The following CUBN variants were observed in gnomAD, a reference collection of about 807,000 sequenced individuals.
CUBN encodes the protein 460 kDa receptor.
Under a neutral mutation model 405.3 loss-of-function variants are expected in CUBN, and 282 were observed. The ratio of observed to expected loss-of-function variants is 0.70; its 90% confidence interval spans 0.63 to 0.77. The LOEUF is 0.77. CUBN is among the 30% of genes least tolerant of loss of function. CUBN has a pLI of 0.00. For synonymous variants in CUBN, 1,684 were observed against 1,617.0 expected (o/e 1.04, Z -0.99); for missense variants, 4,514 against 4,475.2 (o/e 1.01, Z -0.25).
chr10:16,903,280 A>AG (rs907653010), intron 51 of CUBN, among the ~76,000 whole-genome samples: 1 of 152,216 alleles, frequency 6.6e-6, no homozygotes, highest in African/African-American at 2.4e-5. Context: ...TAAGGATGGA[A>AG]GGGACTTTCT....
Position 17,104,453 on chromosome 10 carries a change from G to C in CUBN, c.1383C>G (p.Leu461=), listed in dbSNP as rs1277540588. 6.2e-7 allele frequency: 1 copy of C among 1,614,004 alleles called. No individual in the cohort carries two copies. Among genetic ancestry groups the C allele is most frequent in the Non-Finnish European group, 8.5e-7 (1 of 1,179,998 alleles). The change falls in exon 12 of 67, where the codon CTC becomes CTG. Residue 461 remains leucine, a synonymous_variant. Coordinates refer to ENST00000377833, the MANE Select transcript of CUBN (RefSeq NM_001081.4). ...VDSFSCECTR[L]WTGALCQVPQ... ...GAACCTGACAGAGAGCTCCAGTCCA[G>C]AGACGTGTGCATTCACAACTGAAAG...
chr10:17,120,859 G>A (rs1370163644), intron 6 of CUBN, among the ~76,000 whole-genome samples: 1 of 152,210 alleles, frequency 6.6e-6, no homozygotes, highest in East Asian at 1.9e-4. Flanking sequence ...GATGATAAAG[G>A]AAGACTAGGA....
chr10:17,044,553 A>G (rs189472867), intron 25 of CUBN, among the ~76,000 whole-genome samples: 9 of 152,142 alleles, frequency 5.9e-5, no homozygotes, highest in African/African-American at 2.2e-4. Context: ...TTTTGATTCC[A>G]TAGTTTATGA....
At position 16,940,041 on chromosome 10, in the gene CUBN, A is replaced by G. The variant is rs764274125; in HGVS notation, c.5539T>C (p.Phe1847Leu). ...SGSGTGFQATFMKIFGNDNIV... is the reference protein window; with the variant it reads ...SGSGTGFQATLMKIFGNDNIV... ...AATAGAAACAACTTACTCTTCATAAATGTGGCCTGGAAGCCCGTGCCGCTG... is the reference window on the plus strand; with the variant it reads ...AATAGAAACAACTTACTCTTCATAAGTGTGGCCTGGAAGCCCGTGCCGCTG... Residue 1847 changes from phenylalanine to leucine, a missense_variant, in exon 37 of 67, where the codon TTT (phenylalanine) becomes CTT (leucine). Around this residue, in one of 5 missense-constraint regions of CUBN, gnomAD observed 1,613 missense variants for 1,542.8 expected, o/e 1.05. Transcript: ENST00000377833. 7 of 1,613,418 alleles carry G rather than the reference A, an allele frequency of 4.3e-6. No individual in the cohort carries two copies. The African/African-American group carries it at 8.0e-5, about 18-fold the overall frequency.
At chr10:17,065,063 C>G (rs1835582218) in intron 22 of CUBN, among the ~76,000 whole-genome samples, 1 of 150,534 alleles carries the variant, frequency 6.6e-6, no homozygotes, top group African/African-American at 2.4e-5. Flanking sequence ...CTCCTGAATT[C>G]TTTTTACCCA....
At chr10:17,058,869 A>C (rs977704638) in intron 22 of CUBN, among the ~76,000 whole-genome samples, 1 of 152,166 alleles carries the variant, frequency 6.6e-6, no homozygotes, top group Non-Finnish European at 1.5e-5. Context: ...TTATTACATC[A>C]ATACAAAATG....
intron 56 of CUBN, among the ~76,000 whole-genome samples, chr10:16,884,918 GA>G (rs936703661): frequency 6.6e-6 from 1 of 152,136 alleles, no homozygotes; most frequent in Non-Finnish European, 1.5e-5. Flanking sequence ...CCTGGGCTCA[GA>G]AATGCTTAGC....
intron 27 of CUBN, among the ~76,000 whole-genome samples, chr10:17,038,690 T>A (rs969136353): frequency 3.9e-5 from 6 of 152,236 alleles, no homozygotes; most frequent in African/African-American, 1.4e-4. Flanking sequence ...TGTGTGTGAG[T>A]TTTCTCTCTG....
chr10:16,882,617 G>A (rs922034572), intron 56 of CUBN, among the ~76,000 whole-genome samples: 1 of 152,204 alleles, frequency 6.6e-6, no homozygotes, highest in African/African-American at 2.4e-5. Flanking sequence ...AGTGGGGGGA[G>A]GGCGTGGGCC....
In CUBN at chr10:16,906,336, G is replaced by A. The variant is rs1423979629; in HGVS notation, c.7779C>T (p.Tyr2593=). Residue 2593 remains tyrosine (Y), a synonymous_variant, in exon 50 of 67, where the codon TAC becomes TAT. Coordinates refer to ENST00000377833, the MANE Select transcript of CUBN (RefSeq NM_001081.4). ...TSPGYDGVRN[Y]SRNLNCEWTL... is the part of the protein sequence containing the mutation. The stretch of plus-strand genomic sequence containing the variant: ...TCCATTCGCAGTTCAGGTTTCTTGA[G>A]TAATTCCTGACTCCGTCATAGCCAG... 1.2e-5 allele frequency: 20 copies of A among 1,613,862 alleles called. No individual in the cohort carries two copies. Among genetic ancestry groups the A allele is most frequent in the Non-Finnish European group, 1.7e-5 (20 of 1,179,850 alleles).
intron 22 of CUBN, among the ~76,000 whole-genome samples, chr10:17,056,020 G>T (rs1461500323): frequency 6.6e-6 from 1 of 152,012 alleles, no homozygotes; most frequent in Non-Finnish European, 1.5e-5. Context: ...TATACAATAT[G>T]AAATTATGTA....
At position 16,990,332 on chromosome 10, in the gene CUBN, A is replaced by G. The variant is rs371489485; in HGVS notation, c.4350+2T>C. Reference sequence around the variant, plus strand: ...TGCTGAAAAAACCATCTCACTTCCTACCTCCAAGACATCAAAGTTGCACCT... The same window carrying G: ...TGCTGAAAAAACCATCTCACTTCCTGCCTCCAAGACATCAAAGTTGCACCT... On this transcript the variant is annotated splice_donor_variant, in intron 29 of 66. Coordinates refer to ENST00000377833, the MANE Select transcript of CUBN (RefSeq NM_001081.4). LOFTEE classifies it high-confidence loss of function. The G allele has an allele frequency of 1.8e-5, 29 of 1,614,044 alleles. No individual in the cohort carries two copies. Among genetic ancestry groups the G allele is most frequent in the Non-Finnish European group, 2.5e-5 (29 of 1,179,962 alleles).
intron 31 of CUBN, among the ~76,000 whole-genome samples, chr10:16,973,585 C>T (rs1369685616): frequency 6.7e-6 from 1 of 150,280 alleles, no homozygotes. Flanking sequence ...TCTATTTTGT[C>T]ACCCAGGTAA....
At chr10:16,877,892 A>T (rs1027458218) in intron 56 of CUBN, among the ~76,000 whole-genome samples, 1 of 152,230 alleles carries the variant, frequency 6.6e-6, no homozygotes, top group Non-Finnish European at 1.5e-5. Context: ...GATCATACCT[A>T]ATTTGTATTA....
intron 31 of CUBN, among the ~76,000 whole-genome samples, chr10:16,974,743 G>C (rs1321268241): frequency 6.6e-6 from 1 of 152,076 alleles, no homozygotes; most frequent in Non-Finnish European, 1.5e-5. Flanking sequence ...TTCCGTCTCT[G>C]CCACCCCTGA....
At chr10:16,980,461 G>A (rs2942362) in intron 31 of CUBN, among the ~76,000 whole-genome samples, 126,286 of 152,162 alleles carry the variant, frequency 0.83, 54,379 homozygotes, top group Non-Finnish European at 0.96. Context: ...TCAATGATAG[G>A]CTGGATAAAG....
chr10:16,836,184 A>G (rs764069011), intron 63 of CUBN, 51 bp downstream of exon 63: 13 of 1,489,452 alleles, frequency 8.7e-6, no homozygotes, highest in African/African-American at 1.4e-5. Flanking sequence ...TCTACGAATA[A>G]TGGTAATGAT....
At chr10:17,023,006 A>G (rs749496015) in intron 27 of CUBN, among the ~76,000 whole-genome samples, 10 of 152,364 alleles carry the variant, frequency 6.6e-5, no homozygotes, top group South Asian at 2.1e-4. Context: ...TTATATTTCA[A>G]TCCTGCACAA....
intron 31 of CUBN, among the ~76,000 whole-genome samples, chr10:16,955,039 C>T (rs1393665271): frequency 6.6e-6 from 1 of 152,066 alleles, no homozygotes; most frequent in Admixed American, 6.5e-5. Context: ...TCTTTTCAAA[C>T]GATAGGGGTG....
Sources: allele counts gnomAD v4.1 joint callset (sites outside exome capture counted in the v4.1 genomes callset), GRCh38; gene constraint gnomAD v4.1.1; regional missense constraint gnomAD v4.1.1; transcripts MANE v1.5; gene names NCBI Gene and HGNC (gene_info 2026-07-23, HGNC 2026-07-21).